TMEM132B: variants seen among roughly 807,000 people sequenced by gnomAD.
TMEM132B encodes transmembrane protein 132B.
Under a neutral mutation model 90.8 loss-of-function variants are expected in TMEM132B, and 18 were observed. The ratio of observed to expected loss-of-function variants is 0.20; its 90% CI spans 0.14 to 0.29. The LOEUF is 0.29. Ranked by LOEUF, TMEM132B falls within the 10% of genes least tolerant of loss-of-function variation. TMEM132B has a pLI of 1.00. For synonymous variants in TMEM132B, 504 were observed against 523.3 expected, an observed-to-expected ratio of 0.96 and a Z score of 0.50; for missense variants, 1,096 against 1,326.8, an observed-to-expected ratio of 0.83 and a Z score of 2.70.
At chr12:125,517,394 A>C (rs1245248850) in intron 3 of TMEM132B, among the ~76,000 whole-genome samples, 1 of 121,682 alleles carries the variant, frequency 8.2e-6, no homozygotes, top group African/African-American at 3.1e-5. Context: ...GGGTTTCACT[A>C]TGTTAGCCAG....
intron 5 of TMEM132B, among the ~76,000 whole-genome samples, chr12:125,598,562 A>G (rs1014065865): frequency 6.6e-6 from 1 of 152,248 alleles, no homozygotes; most frequent in Non-Finnish European, 1.5e-5. Flanking sequence ...AGAGTTAATC[A>G]AAGATGGGAC....
chr12:125,518,260 G>A (rs1204445458), intron 3 of TMEM132B, among the ~76,000 whole-genome samples: 1 of 152,198 alleles, frequency 6.6e-6, no homozygotes, highest in Admixed American at 6.5e-5. Flanking sequence ...GTGCAGGGGA[G>A]CTGTCCGTGG....
At chr12:125,391,387 C>G (rs1019791627) in intron 2 of TMEM132B, among the ~76,000 whole-genome samples, 3 of 152,190 alleles carry the variant, frequency 2.0e-5, no homozygotes, top group Non-Finnish European at 2.9e-5. Flanking sequence ...GTGTTAGTTG[C>G]CAGCTTTCCA....
intron 1 of TMEM132B, among the ~76,000 whole-genome samples, chr12:125,312,278 A>T (rs1876141847): frequency 6.6e-6 from 1 of 152,224 alleles, no homozygotes; most frequent in Non-Finnish European, 1.5e-5. Context: ...AAATCATCCC[A>T]TCGTTGCCCA....
rs1873179771 is a variant in TMEM132B at position 125,206,156 on chromosome 12, G to C, written c.67+19290G>C. 2.0e-5 allele frequency among the ~76,000 whole-genome samples: 3 copies of C among 152,140 alleles called. No individual in the cohort carries two copies. In the South Asian group the frequency reaches 6.2e-4, roughly 32 times the overall value. ...TTTTTTCGCTTAGTTTTTTCTGGTGGGATGGTATTCCTTTGGTCTTCCTCA... is the reference window on the plus strand; with the variant it reads ...TTTTTTCGCTTAGTTTTTTCTGGTGCGATGGTATTCCTTTGGTCTTCCTCA... On this transcript the variant is annotated intron_variant, in intron 1 of 8. Transcript: ENST00000682704.
intron 1 of TMEM132B, among the ~76,000 whole-genome samples, chr12:125,197,893 G>A (rs1223275021): frequency 6.6e-6 from 1 of 152,184 alleles, no homozygotes; most frequent in Admixed American, 6.5e-5. Context: ...TGAATGAGTA[G>A]GTTTTGGTAA....
At chr12:125,219,495 T>C (rs1050767035) in intron 1 of TMEM132B, among the ~76,000 whole-genome samples, 2 of 152,102 alleles carry the variant, frequency 1.3e-5, no homozygotes, top group African/African-American at 4.8e-5. Context: ...CTAGGCACAA[T>C]AAAGGTGTGA....
chr12:125,314,081 C>T (rs572145046), intron 1 of TMEM132B, among the ~76,000 whole-genome samples: 7 of 152,198 alleles, frequency 4.6e-5, no homozygotes, highest in South Asian at 4.2e-4. Context: ...CCTGCCTGGG[C>T]GGCGTGCGAA....
At chr12:125,563,185 AAT>A (rs1555258749) in intron 4 of TMEM132B, among the ~76,000 whole-genome samples, 1 of 148,386 alleles carries the variant, frequency 6.7e-6, no homozygotes, top group Non-Finnish European at 1.5e-5. Context: ...TAATAATAAT[AAT>A]AAAAGTTTGA....
At position 125,465,308 on chromosome 12, in the gene TMEM132B, A is replaced by G. The variant is rs893009630; in HGVS notation, c.1106+49631A>G. Among the ~76,000 whole-genome samples the G allele has an allele frequency of 1.0e-3, 153 of 152,242 alleles. 1 individual carries two copies. The highest frequency in any genetic ancestry group is 3.8e-4 in the Non-Finnish European group (26 of 68,036). On this transcript the variant is annotated intron_variant, in intron 3 of 8. Coordinates refer to ENST00000682704, the MANE Select transcript of TMEM132B (RefSeq NM_001366854.1). ...TGCCTATTATTTTCAGTAAGGTCCA[A>G]TGATGAAAAGTGCTGACACTTCTAA... is the stretch of plus-strand genomic sequence containing the variant.
chr12:125,538,007 T>C (rs1883855330), intron 4 of TMEM132B, among the ~76,000 whole-genome samples: 1 of 152,100 alleles, frequency 6.6e-6, no homozygotes. Flanking sequence ...CCAGGCCTGC[T>C]TCCCCCACAT....
intron 1 of TMEM132B, among the ~76,000 whole-genome samples, chr12:125,303,128 A>G (rs933280221): frequency 8.6e-5 from 13 of 152,018 alleles, no homozygotes; most frequent in African/African-American, 1.2e-4. Flanking sequence ...TTCTGTATCT[A>G]TTAAGCAAAA....
At chr12:125,619,392 TCTCA>T (rs1886068070) in intron 5 of TMEM132B, among the ~76,000 whole-genome samples, 1 of 150,818 alleles carries the variant, frequency 6.6e-6, no homozygotes. Context: ...TGAGACAGAG[TCTCA>T]CTCTGTCACC....
intron 1 of TMEM132B, among the ~76,000 whole-genome samples, chr12:125,257,367 A>G (rs933316537): frequency 8.5e-5 from 13 of 152,218 alleles, no homozygotes; most frequent in Non-Finnish European, 1.8e-4. Flanking sequence ...TGGTCAGTGC[A>G]GGGAGAATGA....
At chr12:125,533,220 G>A (rs972770427) in intron 4 of TMEM132B, among the ~76,000 whole-genome samples, 2 of 152,212 alleles carry the variant, frequency 1.3e-5, no homozygotes, top group Non-Finnish European at 2.9e-5. Flanking sequence ...TGAGGATGAA[G>A]TGAAGCAGTA....
chr12:125,629,451 G>T (rs1214567928), intron 5 of TMEM132B, among the ~76,000 whole-genome samples: 1 of 151,816 alleles, frequency 6.6e-6, no homozygotes, highest in Non-Finnish European at 1.5e-5. Context: ...TTCATTGTTG[G>T]CATATAGAAA....
At chr12:125,228,918 C>G (rs1012990562) in intron 1 of TMEM132B, among the ~76,000 whole-genome samples, 3 of 152,188 alleles carry the variant, frequency 2.0e-5, no homozygotes, top group African/African-American at 4.8e-5. Flanking sequence ...AATTCTCTCC[C>G]TAAGAGAGGA....
intron 3 of TMEM132B, among the ~76,000 whole-genome samples, chr12:125,502,048 A>G (rs1030508129): frequency 6.6e-6 from 1 of 152,180 alleles, no homozygotes; most frequent in African/African-American, 2.4e-5. Flanking sequence ...GTGTGTGCCC[A>G]TGTGCACATG....
chr12:125,509,547 C>T (rs1464580681), intron 3 of TMEM132B, among the ~76,000 whole-genome samples: 3 of 152,134 alleles, frequency 2.0e-5, no homozygotes, highest in Non-Finnish European at 4.4e-5. Context: ...CAGAGCATCA[C>T]ACTTTTTCAT....
Sources: gnomAD v4.1 joint callset for allele counts (sites outside exome capture counted in the v4.1 genomes callset) on GRCh38, gnomAD v4.1.1 for gene constraint, MANE v1.5 for transcripts, NCBI Gene and HGNC (gene_info 2026-07-23, HGNC 2026-07-21) for gene names.